Variants in ACAD11 observed in about 807,000 individuals in gnomAD.
ACAD11 encodes acyl-Coenzyme A dehydrogenase family, member 11.
In ACAD11, 83 loss-of-function variants were observed where a neutral mutation model predicts 102.2. That is an observed-to-expected ratio of 0.81 (90% CI 0.68 to 0.97). ACAD11 has a LOEUF of 0.97. Among genes scored for constraint, ACAD11 ranks in the 50% least tolerant of loss-of-function variants. The pLI is 0.00. For missense variants in ACAD11, 901 were observed against 951.7 expected (o/e 0.95, Z 0.70); for synonymous variants, 324 against 319.8 (o/e 1.01, Z -0.14).
At chr3:132,570,477 TA>T (rs941616504) in intron 17 of ACAD11, among the ~76,000 whole-genome samples, 11 of 152,218 alleles carry the variant, frequency 7.2e-5, no homozygotes, top group African/African-American at 2.7e-4. Flanking sequence ...CATTTTATTT[TA>T]TTTTTTTTCT....
intron 13 of ACAD11, among the ~76,000 whole-genome samples, chr3:132,584,138 T>G (rs113272668): frequency 0.034 from 5,150 of 152,300 alleles, 144 homozygotes; most frequent in South Asian, 0.073. Context: ...CCCGTTGATC[T>G]GTCTAACGTT....
chr3:132,655,608 T>A (rs958353342), intron 1 of ACAD11, among the ~76,000 whole-genome samples: 1 of 152,224 alleles, frequency 6.6e-6, no homozygotes, highest in Non-Finnish European at 1.5e-5. Context: ...CTGAATGCCG[T>A]GTGCTCGAGG....
At chr3:132,600,589 A>G (rs1473336044) in intron 13 of ACAD11, 1 of 1,613,924 alleles carries the variant, frequency 6.2e-7, no homozygotes, top group Admixed American at 1.7e-5. Context: ...TGGTAGTGGC[A>G]ATTTATGCCT....
intron 11 of ACAD11, among the ~76,000 whole-genome samples, chr3:132,616,784 C>A (rs968942573): frequency 6.6e-6 from 1 of 152,134 alleles, no homozygotes; most frequent in Admixed American, 6.6e-5. Flanking sequence ...GAGATGAAAT[C>A]TTTAGAAGCT....
chr3:132,600,027 T>C (rs1938498537), intron 13 of ACAD11, among the ~76,000 whole-genome samples: 2 of 152,334 alleles, frequency 1.3e-5, no homozygotes, highest in East Asian at 1.9e-4. Flanking sequence ...TAACACTATT[T>C]ATTCTTTTTA....
At chr3:132,577,206 A>G (rs980785051) in intron 15 of ACAD11, among the ~76,000 whole-genome samples, 191 bp from the exon 16 acceptor site, 2 of 148,148 alleles carry the variant, frequency 1.3e-5, no homozygotes, top group South Asian at 4.1e-4. Context: ...CAACTGTTCA[A>G]GAAGAGAAAC....
intron 11 of ACAD11, among the ~76,000 whole-genome samples, chr3:132,608,102 C>T (rs1332825304): frequency 6.6e-6 from 1 of 152,164 alleles, no homozygotes; most frequent in Non-Finnish European, 1.5e-5. Context: ...CCAGGCCTGT[C>T]TTACAACAGC....
At chr3:132,632,588 A>T (rs1576607523) in intron 5 of ACAD11, among the ~76,000 whole-genome samples, 1 of 152,182 alleles carries the variant, frequency 6.6e-6, no homozygotes, top group African/African-American at 2.4e-5. Flanking sequence ...TATGAACTTT[A>T]AAGCAGTTTT....
At chr3:132,655,050 G>A (rs1386906638) in intron 1 of ACAD11, among the ~76,000 whole-genome samples, 1 of 152,136 alleles carries the variant, frequency 6.6e-6, no homozygotes, top group Non-Finnish European at 1.5e-5. Context: ...TTTAAACATA[G>A]AAAAGGTACA....
chr3:132,611,037 G>T (rs955516437), intron 11 of ACAD11, among the ~76,000 whole-genome samples: 3 of 152,132 alleles, frequency 2.0e-5, no homozygotes, highest in African/African-American at 4.8e-5. Flanking sequence ...GATCAAGTGG[G>T]CTTCATCCCT....
intron 5 of ACAD11, among the ~76,000 whole-genome samples, chr3:132,633,588 T>C (rs1410087316): frequency 6.6e-6 from 1 of 152,178 alleles, no homozygotes; most frequent in Non-Finnish European, 1.5e-5. Context: ...GCTGGCCTCA[T>C]AAAATGAGTT....
At chr3:132,590,932 T>C (rs764182540) in intron 13 of ACAD11, among the ~76,000 whole-genome samples, 28 of 152,188 alleles carry the variant, frequency 1.8e-4, no homozygotes, top group Admixed American at 1.4e-3. Context: ...AGTTTGCAAA[T>C]ATTTTCTTCC....
intron 11 of ACAD11, among the ~76,000 whole-genome samples, chr3:132,612,987 C>T (rs1421453351): frequency 6.6e-6 from 1 of 151,986 alleles, no homozygotes; most frequent in African/African-American, 2.4e-5. Context: ...AAATGTCCAA[C>T]AATGATAGAC....
chr3:132,631,193 A>G, intron 6 of ACAD11, 148 bp downstream of exon 6: 1 of 458,212 alleles, frequency 2.2e-6, no homozygotes, highest in Non-Finnish European at 3.5e-6. Flanking sequence ...CAACAAAAAA[A>G]TAAAATAAAA....
chr3:132,613,576 T>A (rs926339777), intron 11 of ACAD11, among the ~76,000 whole-genome samples: 1 of 151,990 alleles, frequency 6.6e-6, no homozygotes, highest in Non-Finnish European at 1.5e-5. Context: ...TTGTCACTGT[T>A]TGCAGATGAC....
At chr3:132,625,605 AT>A (rs200444778) in intron 9 of ACAD11, among the ~76,000 whole-genome samples, 1 of 152,158 alleles carries the variant, frequency 6.6e-6, no homozygotes, top group Non-Finnish European at 1.5e-5. Flanking sequence ...TTTAAGTAGT[AT>A]TTTTTAAAGA....
rs1456912128 is a variant in ACAD11, at chr3:132,561,170, C to A, written c.2049G>T (p.Lys683Asn). 2 of 1,613,564 alleles carry A rather than the reference C, an allele frequency of 1.2e-6. No individual in the cohort carries two copies. The highest frequency in any genetic ancestry group is 4.5e-5 in the East Asian group (2 of 44,866). ...CAGCTTTCAGAGTCAACAAGCGGAT[C>A]TTCTCAATGGCAATGCGGCTTTCAG... ...WIAESRIAIE[K>N]IRLLTLKAAH... The change falls in exon 18 of 20, where the codon AAG (lysine) becomes AAT (asparagine). Residue 683 changes from lysine (K) to asparagine (N), a missense_variant. Physicochemically the swap from Lys to Asn is moderately conservative, Grantham distance 94. Transcript: ENST00000264990.
intron 11 of ACAD11, among the ~76,000 whole-genome samples, chr3:132,614,007 C>T (rs1559958999): frequency 6.6e-6 from 1 of 152,158 alleles, no homozygotes; most frequent in Non-Finnish European, 1.5e-5. Context: ...GCAAAAATCA[C>T]AAGCATTCCT....
At chr3:132,650,806 G>T (rs1576624506) in intron 1 of ACAD11, among the ~76,000 whole-genome samples, 1 of 152,060 alleles carries the variant, frequency 6.6e-6, no homozygotes, top group South Asian at 2.1e-4. Flanking sequence ...TGGTTTCATT[G>T]TGTTCTTTAT....
Sources: allele counts gnomAD v4.1 joint callset (sites outside exome capture counted in the v4.1 genomes callset), GRCh38; gene constraint gnomAD v4.1.1; transcripts MANE v1.5; gene names NCBI Gene and HGNC (gene_info 2026-07-23, HGNC 2026-07-21).